SLC44A3: variants seen among roughly 807,000 people sequenced by gnomAD.
The protein encoded by SLC44A3 is solute carrier family 44 member 3, also known as choline transporter-like protein 3.
Under a neutral mutation model 75.4 loss-of-function variants are expected in SLC44A3, and 74 were observed. The observed-to-expected ratio is 0.98, with a 90% confidence interval of 0.81 to 1.19. SLC44A3 has a LOEUF of 1.19. Among genes scored for constraint, SLC44A3 ranks in the 50% most tolerant of loss-of-function variants. The pLI, the probability that SLC44A3 is intolerant of heterozygous loss-of-function variation, is 0.00. For missense variants in SLC44A3, 700 were observed against 778.6 expected (o/e 0.90, Z 1.20); for synonymous variants, 310 against 296.9 (o/e 1.04, Z -0.45).
chr1:94,822,960 G>C (rs994448153), intron 2 of SLC44A3, among the ~76,000 whole-genome samples: 2 of 152,154 alleles, frequency 1.3e-5, no homozygotes, highest in African/African-American at 4.8e-5. Context: ...AGGAGTTCAA[G>C]ACCAGCCTGG....
intron 12 of SLC44A3, among the ~76,000 whole-genome samples, chr1:94,869,095 T>A (rs1667484390): frequency 6.6e-6 from 1 of 152,268 alleles, no homozygotes. Context: ...AGGACAGGTC[T>A]CTGCTGCTGA....
Position 94,894,819 on chromosome 1 carries a change from G to A in SLC44A3, c.1859G>A (p.Ser620Asn). ...CTAACTTGTTCTTTTGTTTTTCAGA[G>A]TTTCGTAAAAAGGAGCAACAAATTA... is the stretch of plus-strand genomic sequence containing the variant. Reference protein sequence around the residue: ...KPYFMDQEFLSFVKRSNKLNN... With the variant: ...KPYFMDQEFLNFVKRSNKLNN... Residue 620 changes from serine to asparagine, a missense_variant and splice_region_variant, in exon 15 of 15, where the codon AGT becomes AAT. By Grantham distance (46) the Ser-to-Asn change is conservative. Coordinates refer to ENST00000271227, the MANE Select transcript of SLC44A3 (RefSeq NM_001114106.3). 1 of 1,608,474 alleles carries A rather than the reference G, an allele frequency of 6.2e-7. No individual in the cohort carries two copies. The highest frequency in any genetic ancestry group is 1.3e-5 in the African/African-American group (1 of 74,588).
At chr1:94,861,261 G>A (rs1346129205) in intron 10 of SLC44A3, among the ~76,000 whole-genome samples, 1 of 152,202 alleles carries the variant, frequency 6.6e-6, no homozygotes, top group African/African-American at 2.4e-5. Context: ...GAGATTGGGG[G>A]AGTTAGGCTA....
intron 10 of SLC44A3, among the ~76,000 whole-genome samples, chr1:94,860,742 C>A (rs1252995978): frequency 6.6e-5 from 10 of 152,198 alleles, no homozygotes; most frequent in Non-Finnish European, 2.9e-5. Flanking sequence ...CAAAGTCATG[C>A]ACAGGCAGTC....
intron 9 of SLC44A3, among the ~76,000 whole-genome samples, chr1:94,856,731 C>T (rs1665915035): frequency 6.6e-6 from 1 of 151,842 alleles, no homozygotes; most frequent in African/African-American, 2.4e-5. Context: ...GCCTCTTCTT[C>T]TTCTTCTTTT....
intron 10 of SLC44A3, among the ~76,000 whole-genome samples, chr1:94,862,124 A>G (rs1267797241): frequency 6.6e-6 from 1 of 152,216 alleles, no homozygotes; most frequent in Non-Finnish European, 1.5e-5. Flanking sequence ...TTTCTGTAGA[A>G]TAGGAAAGAA....
chr1:94,839,195 C>T (rs1487767744), intron 6 of SLC44A3, among the ~76,000 whole-genome samples: 1 of 152,058 alleles, frequency 6.6e-6, no homozygotes, highest in East Asian at 1.9e-4. Flanking sequence ...ATCTTAAATT[C>T]TTCATTTTAA....
chr1:94,872,040 G>T (rs1667813222), intron 12 of SLC44A3, among the ~76,000 whole-genome samples: 1 of 152,216 alleles, frequency 6.6e-6, no homozygotes, highest in Non-Finnish European at 1.5e-5. Context: ...TGACTGTGTT[G>T]TTTGGTTGCA....
At chr1:94,889,736 G>A (rs777292722) in intron 12 of SLC44A3, among the ~76,000 whole-genome samples, 37 of 152,064 alleles carry the variant, frequency 2.4e-4, no homozygotes, top group Non-Finnish European at 4.1e-4. Flanking sequence ...CAGAATATGC[G>A]TTAAAAATTA....
intron 5 of SLC44A3, among the ~76,000 whole-genome samples, chr1:94,829,558 C>T (rs769116161): frequency 6.6e-6 from 1 of 152,102 alleles, no homozygotes; most frequent in African/African-American, 2.4e-5. Context: ...AATGATGGAA[C>T]GGTGGTTGCA....
chr1:94,840,566 A>G (rs1184675230), intron 7 of SLC44A3, among the ~76,000 whole-genome samples: 1 of 152,104 alleles, frequency 6.6e-6, no homozygotes, highest in Non-Finnish European at 1.5e-5. Context: ...CTGGGATTAC[A>G]GGTATGAGTC....
At chr1:94,821,090 A>T (rs1378455401) in intron 2 of SLC44A3, 34 bp downstream of exon 2, 1 of 1,517,388 alleles carries the variant, frequency 6.6e-7, no homozygotes, top group Non-Finnish European at 9.0e-7. Context: ...AAGAGGCCAG[A>T]GTGTGTGTGC....
intron 7 of SLC44A3, among the ~76,000 whole-genome samples, chr1:94,841,114 G>A: frequency 6.6e-6 from 1 of 152,142 alleles, no homozygotes; most frequent in Non-Finnish European, 1.5e-5. Context: ...ATTACTCCTA[G>A]GCTACGAACC....
At chr1:94,853,342 T>C (rs1426529231) in intron 9 of SLC44A3, among the ~76,000 whole-genome samples, 2 of 152,054 alleles carry the variant, frequency 1.3e-5, no homozygotes, top group Non-Finnish European at 2.9e-5. Flanking sequence ...AGGAAAAGAA[T>C]TGGAAAGAGT....
intron 11 of SLC44A3, among the ~76,000 whole-genome samples, chr1:94,865,681 C>T (rs1667088813): frequency 6.6e-6 from 1 of 152,180 alleles, no homozygotes; most frequent in East Asian, 1.9e-4. Context: ...TCTGTTCTCA[C>T]ACAATGTTAA....
intron 2 of SLC44A3, among the ~76,000 whole-genome samples, chr1:94,822,326 A>G (rs1660724854): frequency 6.6e-6 from 1 of 152,246 alleles, no homozygotes; most frequent in Non-Finnish European, 1.5e-5. Context: ...CTTTAAAATT[A>G]CATTTCATTT....
chr1:94,825,372 A>T (rs1030654806), intron 3 of SLC44A3, among the ~76,000 whole-genome samples: 3 of 152,160 alleles, frequency 2.0e-5, no homozygotes, highest in Non-Finnish European at 2.9e-5. Context: ...ATTCTGTCAC[A>T]CAGGCTGGAG....
At chr1:94,866,799 TTA>T (rs1404970229) in intron 11 of SLC44A3, among the ~76,000 whole-genome samples, 51 of 152,340 alleles carry the variant, frequency 3.3e-4, no homozygotes, top group Middle Eastern at 3.4e-3. Flanking sequence ...CAAGTTCAAG[TTA>T]TATTTCAAAG....
chr1:94,836,257 AAAG>A (rs1450690936), intron 5 of SLC44A3, among the ~76,000 whole-genome samples: 16 of 152,346 alleles, frequency 1.1e-4, no homozygotes, highest in Non-Finnish European at 2.4e-4. Context: ...TCATGGAAAG[AAAG>A]AAGAACAGGA....
Sources: allele counts gnomAD v4.1 joint callset (sites outside exome capture counted in the v4.1 genomes callset), GRCh38; gene constraint gnomAD v4.1.1; transcripts MANE v1.5; gene names NCBI Gene and HGNC (gene_info 2026-07-23, HGNC 2026-07-21).